LAMC3: variants seen among roughly 807,000 people sequenced by gnomAD.
LAMC3 encodes the protein laminin subunit gamma 3, also known as laminin subunit gamma-3.
A neutral mutation model predicts 173.8 loss-of-function variants in LAMC3; 128 were observed. The ratio of observed to expected loss-of-function variants is 0.74; its 90% CI spans 0.64 to 0.85. LAMC3 has a LOEUF of 0.85. LAMC3 is among the 40% of genes least tolerant of loss of function. The pLI is 0.00. For synonymous variants in LAMC3, 897 were observed against 909.1 expected, an observed-to-expected ratio of 0.99 and a Z score of 0.24; for missense variants, 2,022 against 2,156.0, an observed-to-expected ratio of 0.94 and a Z score of 1.23.
intron 1 of LAMC3, among the ~76,000 whole-genome samples, chr9:131,024,882 C>T (rs570956494): frequency 2.0e-4 from 30 of 152,214 alleles, no homozygotes; most frequent in African/African-American, 5.1e-4. Context: ...AGTCACATTG[C>T]AGGAGGCCCC....
chr9:131,061,015 G>T lies in LAMC3; in HGVS notation c.2159-20G>T, dbSNP rs898611522. 6.2e-7 allele frequency: 1 copy of T among 1,613,228 alleles called. No homozygotes were observed. Among genetic ancestry groups the T allele is most frequent in the South Asian group, 1.1e-5 (1 of 91,070 alleles). On this transcript the variant is annotated intron_variant, in intron 12 of 27. Coordinates refer to ENST00000361069, the MANE Select transcript of LAMC3 (RefSeq NM_006059.4). ...CTGGGCATTCTGGGTTCAGACAGTGGTGCTTGTCTTGCCCCTCAGGGATCT... is the reference window on the plus strand; with the variant it reads ...CTGGGCATTCTGGGTTCAGACAGTGTTGCTTGTCTTGCCCCTCAGGGATCT...
chr9:131,041,073 A>C (rs1834044082), intron 6 of LAMC3, among the ~76,000 whole-genome samples: 2 of 152,076 alleles, frequency 1.3e-5, no homozygotes, highest in Admixed American at 6.5e-5. Context: ...GATAGACAGA[A>C]AGATTCATGG....
chr9:131,073,429 C>G, intron 20 of LAMC3, 108 bp downstream of exon 20: 1 of 826,544 alleles, frequency 1.2e-6, no homozygotes, highest in Non-Finnish European at 2.1e-6. Context: ...TCAGATATTA[C>G]AAGAGCTGTC....
chr9:131,040,709 G>C (rs966328022), intron 6 of LAMC3, among the ~76,000 whole-genome samples: 7 of 152,064 alleles, frequency 4.6e-5, no homozygotes, highest in African/African-American at 1.7e-4. Flanking sequence ...CCTCTCCCCA[G>C]CCTGTGGCTC....
chr9:131,089,994 G>C (rs574203239), intron 27 of LAMC3, among the ~76,000 whole-genome samples: 8 of 152,056 alleles, frequency 5.3e-5, no homozygotes, highest in Admixed American at 6.5e-5. Context: ...ACAGCGTCTC[G>C]TTATGTTAAC....
intron 3 of LAMC3, among the ~76,000 whole-genome samples, chr9:131,033,902 G>A (rs1158269761): frequency 6.6e-6 from 1 of 152,146 alleles, no homozygotes; most frequent in Non-Finnish European, 1.5e-5. Flanking sequence ...GCGGCATGAG[G>A]CTCAAATGCC....
chr9:131,087,896 T>C, intron 27 of LAMC3, 79 bp downstream of exon 27: 1 of 1,107,042 alleles, frequency 9.0e-7, no homozygotes, highest in Non-Finnish European at 1.4e-6. Context: ...GCTCCAGTCC[T>C]GGGGAAGATT....
At position 131,061,213 on chromosome 9, in the gene LAMC3, G is replaced by A. The variant is rs773561364; in HGVS notation, c.2337G>A (p.Pro779=). 19 of 1,606,448 alleles carry A rather than the reference G, an allele frequency of 1.2e-5. No individual in the cohort carries two copies. The highest frequency in any genetic ancestry group is 1.6e-4 in the Middle Eastern group (1 of 6,074). ...AGGTGGTGTGTACCCACTGCCCCCC[G>A]GGCCAGAGAGGTAAGTGACTCCTGC... ...SREVVCTHCP[P]GQRGRRCEVC... The change falls in exon 13 of 28, where the codon CCG becomes CCA. Residue 779 remains proline (P), a synonymous_variant. Coordinates refer to ENST00000361069, the MANE Select transcript of LAMC3 (RefSeq NM_006059.4).
At chr9:131,049,575 T>C (rs1834241922) in intron 9 of LAMC3, among the ~76,000 whole-genome samples, 1 of 152,142 alleles carries the variant, frequency 6.6e-6, no homozygotes, top group Admixed American at 6.5e-5. Flanking sequence ...GAACACACCA[T>C]ATTTATGGAT....
intron 1 of LAMC3, among the ~76,000 whole-genome samples, chr9:131,025,171 G>T (rs769416905): frequency 1.3e-5 from 2 of 152,094 alleles, no homozygotes; most frequent in Non-Finnish European, 2.9e-5. Flanking sequence ...CTCCCTCTCC[G>T]CCCGGCGCTC....
At chr9:131,068,280 A>G (rs1427619110) in intron 15 of LAMC3, 49 bp downstream of exon 15, 1 of 1,577,830 alleles carries the variant, frequency 6.3e-7, no homozygotes, top group Non-Finnish European at 8.6e-7. Flanking sequence ...CCAGGAGGGA[A>G]GAAGGCATCG....
intron 27 of LAMC3, among the ~76,000 whole-genome samples, chr9:131,090,522 G>A (rs907869026): frequency 2.0e-5 from 3 of 152,222 alleles, no homozygotes; most frequent in African/African-American, 7.2e-5. Context: ...CTGGCTCAGT[G>A]CTTGCAGCTG....
chr9:131,043,116 A>T (rs1834086790), intron 7 of LAMC3, among the ~76,000 whole-genome samples: 1 of 152,170 alleles, frequency 6.6e-6, no homozygotes, highest in African/African-American at 2.4e-5. Flanking sequence ...GCCCCTACCC[A>T]CTGAGCTGGA....
intron 20 of LAMC3, 97 bp from the exon 21 acceptor site, chr9:131,075,734 G>A: frequency 2.2e-6 from 3 of 1,362,004 alleles, no homozygotes. Context: ...CCTCTGTTAG[G>A]GGCAGCAGGA....
At chr9:131,016,376 A>AT (rs1833519845) in intron 1 of LAMC3, among the ~76,000 whole-genome samples, 1 of 152,214 alleles carries the variant, frequency 6.6e-6, no homozygotes, top group African/African-American at 2.4e-5. Context: ...GTAAGATGGT[A>AT]AATGTCATGT....
intron 2 of LAMC3, among the ~76,000 whole-genome samples, chr9:131,031,472 G>A (rs889355840): frequency 5.3e-5 from 8 of 152,342 alleles, no homozygotes; most frequent in Admixed American, 2.0e-4. Context: ...CCTGAGGCAG[G>A]TGACCTGTCC....
chr9:131,023,187 T>C (rs1443411881), intron 1 of LAMC3, among the ~76,000 whole-genome samples: 2 of 152,244 alleles, frequency 1.3e-5, no homozygotes, highest in African/African-American at 4.8e-5. Flanking sequence ...TGCTGGGCAT[T>C]GGAGTTGTTC....
chr9:131,017,655 C>T (rs1267474813), intron 1 of LAMC3, among the ~76,000 whole-genome samples: 2 of 134,332 alleles, frequency 1.5e-5, no homozygotes, highest in East Asian at 4.7e-4. Context: ...GAACCGGAGG[C>T]AGAGGTTGCA....
intron 13 of LAMC3, among the ~76,000 whole-genome samples, chr9:131,064,664 CA>C (rs36112492): frequency 3.8e-3 from 123 of 32,462 alleles, no homozygotes; most frequent in African/African-American, 9.7e-3. Flanking sequence ...ACTCCGTCTC[CA>C]AAAAAAAAAA....
Sources: allele counts gnomAD v4.1 joint callset (sites outside exome capture counted in the v4.1 genomes callset), GRCh38; gene constraint gnomAD v4.1.1; transcripts MANE v1.5; gene names NCBI Gene and HGNC (gene_info 2026-07-23, HGNC 2026-07-21).